The following HIKESHI variants were observed in gnomAD, a reference collection of about 807,000 sequenced individuals.
HIKESHI encodes the protein heat shock protein nuclear import factor hikeshi.
Under a neutral mutation model 25.7 loss-of-function variants are expected in HIKESHI, and 13 were observed. The observed-to-expected ratio is 0.51, with a 90% confidence interval of 0.33 to 0.80. The LOEUF (loss-of-function observed/expected upper bound fraction) is 0.80. Among genes scored for constraint, HIKESHI ranks in the 30% least tolerant of loss-of-function variants. The probability of loss-of-function intolerance (pLI) is 0.02; values close to 1 mark genes in which losing one functional copy is unlikely to be tolerated. For missense variants in HIKESHI, 174 were observed against 229.5 expected (o/e 0.76, Z 1.56); for synonymous variants, 76 against 78.7 (o/e 0.97, Z 0.18).
At chr11:86,331,060 GT>G (rs566893085) in intron 2 of HIKESHI, among the ~76,000 whole-genome samples, 30 of 151,716 alleles carry the variant, frequency 2.0e-4, no homozygotes, top group Non-Finnish European at 1.0e-4. Context: ...TGCAGTGCAA[GT>G]TTTTTTTTGT....
chr11:86,325,061 C>T (rs1315428593), intron 2 of HIKESHI, among the ~76,000 whole-genome samples: 1 of 151,944 alleles, frequency 6.6e-6, no homozygotes, highest in African/African-American at 2.4e-5. Flanking sequence ...TGCCTATAGT[C>T]CCACTACTTG....
At chr11:86,314,088 T>C (rs934178461) in intron 2 of HIKESHI, among the ~76,000 whole-genome samples, 6 of 152,208 alleles carry the variant, frequency 3.9e-5, no homozygotes, top group Non-Finnish European at 7.3e-5. Flanking sequence ...ACAAAGTATG[T>C]GTACCATAAT....
In HIKESHI at chr11:86,315,350, C is replaced by T. The variant is rs1048423803; in HGVS notation, c.268+8868C>T. Among the ~76,000 whole-genome samples the T allele has an allele frequency of 7.7e-4, 115 of 148,582 alleles. 1 individual carries two copies. The highest frequency in any genetic ancestry group is 2.6e-3 in the African/African-American group (103 of 40,348). On this transcript the variant is annotated intron_variant, in intron 2 of 4. Coordinates refer to ENST00000278483, the MANE Select transcript of HIKESHI (RefSeq NM_016401.4). ...TTCCTTTTTTTTTTTGAGTCAGTTT[C>T]GCTCTTACTGCCCAGGCTGGAGTGC...
At chr11:86,312,618 T>G (rs924410849) in intron 2 of HIKESHI, among the ~76,000 whole-genome samples, 1 of 152,234 alleles carries the variant, frequency 6.6e-6, no homozygotes, top group Admixed American at 6.5e-5. Flanking sequence ...TAGCTGGTTA[T>G]TTTGCTTGTT....
chr11:86,327,450 G>A (rs1331560431), intron 2 of HIKESHI, among the ~76,000 whole-genome samples: 1 of 152,096 alleles, frequency 6.6e-6, no homozygotes, highest in Non-Finnish European at 1.5e-5. Flanking sequence ...GAGTAGCTGG[G>A]ACCACAGGCG....
intron 1 of HIKESHI, 70 bp from the exon 2 acceptor site, chr11:86,306,175 T>C: frequency 1.0e-6 from 1 of 985,590 alleles, no homozygotes; most frequent in East Asian, 2.4e-5. Flanking sequence ...ATATAACTTA[T>C]AAATGATACT....
chr11:86,319,007 C>G (rs1244595225), intron 2 of HIKESHI, among the ~76,000 whole-genome samples: 2 of 151,978 alleles, frequency 1.3e-5, no homozygotes, highest in Non-Finnish European at 2.9e-5. Flanking sequence ...GCTTCAAACT[C>G]CTGGGCTCAA....
chr11:86,306,296 C>G lies in HIKESHI; in HGVS notation c.82C>G (p.Pro28Ala), dbSNP rs374929851. Reference sequence around the variant, plus strand: ...AGAGGATAAATTTGTTTTTGACTTACCTGATTATGAAAGTATCAACCATGT... The same window carrying G: ...AGAGGATAAATTTGTTTTTGACTTAGCTGATTATGAAAGTATCAACCATGT... ...VAEDKFVFDL[P>A]DYESINHVVV... The change falls in exon 2 of 5, where the codon CCT (proline) becomes GCT (alanine). Residue 28 changes from proline to alanine, a missense_variant. Physicochemically the swap from Pro to Ala is conservative, Grantham distance 27. Transcript: ENST00000278483. 7.4e-5 allele frequency: 119 copies of G among 1,613,900 alleles called. No homozygotes were observed. Among genetic ancestry groups the G allele is most frequent in the Non-Finnish European group, 9.7e-5 (115 of 1,179,966 alleles).
chr11:86,304,671 A>T lies in HIKESHI; in HGVS notation c.31-1574A>T, dbSNP rs576011634. Among the ~76,000 whole-genome samples the T allele has an allele frequency of 4.6e-5, 7 of 152,030 alleles. No individual in the cohort carries two copies. In the South Asian group the frequency reaches 1.5e-3, roughly 32 times the overall value. On this transcript the variant is annotated intron_variant, in intron 1 of 4. Transcript: ENST00000278483. ...GCTGAGACTACAGGCATGTGCCCCC[A>T]TGCCCAGCTAATTTTTATATTTTTA... is the stretch of plus-strand genomic sequence containing the variant.
intron 2 of HIKESHI, among the ~76,000 whole-genome samples, chr11:86,309,803 C>T (rs1305758873): frequency 6.6e-6 from 1 of 152,138 alleles, no homozygotes; most frequent in African/African-American, 2.4e-5. Context: ...AGCCAGTTTT[C>T]CCAGCACCAT....
chr11:86,302,906 A>G, intron 1 of HIKESHI, among the ~76,000 whole-genome samples: 1 of 152,138 alleles, frequency 6.6e-6, no homozygotes, highest in East Asian at 1.9e-4. Context: ...TGAATTTGGG[A>G]TTGAATTTGG....
chr11:86,319,240 A>ATTTT (rs1273706275), intron 2 of HIKESHI, among the ~76,000 whole-genome samples: 224 of 92,916 alleles, frequency 2.4e-3, no homozygotes, highest in African/African-American at 8.0e-3. Flanking sequence ...ATATATATAT[A>ATTTT]TATTTTTTTT....
chr11:86,340,502 GTGA>G (rs2138422632), intron 3 of HIKESHI, among the ~76,000 whole-genome samples: 1 of 152,344 alleles, frequency 6.6e-6, no homozygotes, highest in East Asian at 1.9e-4. Context: ...CTGATGACCA[GTGA>G]TGATGAGCAT....
At chr11:86,333,533 T>TCAA (rs1246181026) in intron 2 of HIKESHI, among the ~76,000 whole-genome samples, 11 of 144,060 alleles carry the variant, frequency 7.6e-5, no homozygotes, top group South Asian at 2.2e-4. Context: ...AGACTCTGTC[T>TCAA]CAACAACAAC....
At chr11:86,336,236 C>A (rs1311362933) in intron 2 of HIKESHI, among the ~76,000 whole-genome samples, 9 of 152,066 alleles carry the variant, frequency 5.9e-5, no homozygotes, top group Admixed American at 5.9e-4. Flanking sequence ...CTCAAGTGCA[C>A]CAACATGCAC....
At chr11:86,320,469 G>C (rs1334749518) in intron 2 of HIKESHI, among the ~76,000 whole-genome samples, 1 of 152,176 alleles carries the variant, frequency 6.6e-6, no homozygotes, top group Non-Finnish European at 1.5e-5. Context: ...CCAGCTACTC[G>C]GGAGGCTGAG....
Position 86,323,088 on chromosome 11 carries a change from T to C in HIKESHI, c.269-14291T>C, listed in dbSNP as rs895603590. On this transcript the variant is annotated intron_variant, in intron 2 of 4. Coordinates refer to ENST00000278483, the MANE Select transcript of HIKESHI (RefSeq NM_016401.4). ...ACAAAAAATTCAAAAATTAGCTGAT[T>C]GTAGTGGCTCATGCCTCTGGTCCCA... Among the ~76,000 whole-genome samples the C allele has an allele frequency of 2.6e-5, 4 of 152,032 alleles. No individual in the cohort carries two copies. The East Asian group carries it at 5.8e-4, about 22-fold the overall frequency.
intron 2 of HIKESHI, among the ~76,000 whole-genome samples, chr11:86,332,952 G>A (rs1050077762): frequency 2.6e-5 from 4 of 152,194 alleles, no homozygotes; most frequent in African/African-American, 9.7e-5. Flanking sequence ...GGAGACTGGA[G>A]ACACCATCTT....
chr11:86,333,749 G>C (rs1947478278), intron 2 of HIKESHI, among the ~76,000 whole-genome samples: 1 of 151,940 alleles, frequency 6.6e-6, no homozygotes, highest in Non-Finnish European at 1.5e-5. Flanking sequence ...GGGGTGTATA[G>C]AGAAGTGATT....
Sources: allele counts gnomAD v4.1 joint callset (sites outside exome capture counted in the v4.1 genomes callset), GRCh38; gene constraint gnomAD v4.1.1; transcripts MANE v1.5; gene names NCBI Gene and HGNC (gene_info 2026-07-23, HGNC 2026-07-21).